The following COL19A1 variants were observed in gnomAD, a reference collection of about 807,000 sequenced individuals.
The protein encoded by COL19A1 is collagen alpha-1(XIX) chain.
In COL19A1, 159 loss-of-function variants were observed where a neutral mutation model predicts 190.2. The ratio of observed to expected loss-of-function variants is 0.84; its 90% confidence interval spans 0.73 to 0.95. The LOEUF (loss-of-function observed/expected upper bound fraction) is 0.95, where lower values mean the gene tolerates loss of function less well. Among genes scored for constraint, COL19A1 ranks in the 40% least tolerant of loss-of-function variants. The pLI is 0.00. For missense variants in COL19A1, 1,418 were observed against 1,431.9 expected (o/e 0.99, Z 0.16); for synonymous variants, 509 against 458.9 (o/e 1.11, Z -1.39).
At chr6:69,870,620 A>G (rs780734754) in intron 1 of COL19A1, among the ~76,000 whole-genome samples, 1 of 152,192 alleles carries the variant, frequency 6.6e-6, no homozygotes, top group Non-Finnish European at 1.5e-5. Flanking sequence ...GCCCCACTGT[A>G]AAAGAGCCTT....
intron 48 of COL19A1, among the ~76,000 whole-genome samples, chr6:70,198,188 T>C (rs1263653032): frequency 6.6e-6 from 1 of 152,242 alleles, no homozygotes; most frequent in East Asian, 1.9e-4. Context: ...GGCTTTGTGT[T>C]TTCTAACTGA....
intron 14 of COL19A1, among the ~76,000 whole-genome samples, chr6:70,055,338 T>C (rs1223725407): frequency 1.3e-5 from 2 of 152,026 alleles, no homozygotes; most frequent in Non-Finnish European, 2.9e-5. Flanking sequence ...TCTAGGCTCA[T>C]TCATTTATAA....
At chr6:70,146,776 T>C in intron 26 of COL19A1, 36 bp from the exon 27 acceptor site, 1 of 1,592,542 alleles carries the variant, frequency 6.3e-7, no homozygotes, top group Non-Finnish European at 8.5e-7. Context: ...GTATGTCTCT[T>C]GAGCCTTGCA....
intron 42 of COL19A1, among the ~76,000 whole-genome samples, chr6:70,178,905 C>A (rs1355712169): frequency 3.3e-5 from 5 of 152,112 alleles, no homozygotes; most frequent in African/African-American, 1.2e-4. Context: ...TGGGGTGGGG[C>A]CTCCGGTCAG....
chr6:69,875,821 A>G (rs572132907), intron 1 of COL19A1, among the ~76,000 whole-genome samples: 1 of 152,310 alleles, frequency 6.6e-6, no homozygotes, highest in African/African-American at 2.4e-5. Flanking sequence ...ACACAGTCTA[A>G]AGTTCAGTCA....
chr6:69,881,446 T>C (rs2149946436), intron 2 of COL19A1, among the ~76,000 whole-genome samples: 1 of 152,356 alleles, frequency 6.6e-6, no homozygotes, highest in Non-Finnish European at 1.5e-5. Context: ...GTACTGTTAA[T>C]TATAAACACG....
intron 9 of COL19A1, among the ~76,000 whole-genome samples, chr6:69,952,635 T>A (rs2150036376): frequency 6.6e-6 from 1 of 152,062 alleles, no homozygotes; most frequent in African/African-American, 2.4e-5. Context: ...GAGGATATGC[T>A]TTGTATGATG....
intron 9 of COL19A1, among the ~76,000 whole-genome samples, chr6:69,950,674 CCA>C (rs56757599): frequency 0.2 from 26,561 of 135,846 alleles, 2,415 homozygotes; most frequent in African/African-American, 0.24. Flanking sequence ...ATGAATGCAG[CCA>C]CACACACACA....
chr6:70,156,419 T>G, intron 33 of COL19A1, 50 bp downstream of exon 33: 2 of 1,563,692 alleles, frequency 1.3e-6, no homozygotes, highest in Non-Finnish European at 1.7e-6. Context: ...CAATTTAGTA[T>G]GAAAAAAAGA....
chr6:70,067,752 A>G (rs1411712343), intron 14 of COL19A1, among the ~76,000 whole-genome samples: 1 of 152,040 alleles, frequency 6.6e-6, no homozygotes, highest in African/African-American at 2.4e-5. Flanking sequence ...TAACTGCTGA[A>G]GTTTTTTTTG....
chr6:70,180,585 ATC>A, intron 44 of COL19A1, 62 bp downstream of exon 44: 1 of 1,517,450 alleles, frequency 6.6e-7, no homozygotes, highest in Non-Finnish European at 9.1e-7. Context: ...TTATCTCCTC[ATC>A]TACCACCTCA....
At chr6:70,185,003 C>CTGT in intron 46 of COL19A1, 88 bp downstream of exon 46, 1 of 1,229,368 alleles carries the variant, frequency 8.1e-7, no homozygotes, top group Non-Finnish European at 1.1e-6. Flanking sequence ...TGTGTAGACC[C>CTGT]CTGCAAATCA....
intron 1 of COL19A1, among the ~76,000 whole-genome samples, chr6:69,873,719 A>G (rs1441783578): frequency 6.6e-6 from 1 of 152,194 alleles, no homozygotes; most frequent in African/African-American, 2.4e-5. Context: ...TGCCTTAAAG[A>G]CCCCACCTCT....
At chr6:70,188,674 T>C (rs747873369) in intron 47 of COL19A1, among the ~76,000 whole-genome samples, 12 of 145,936 alleles carry the variant, frequency 8.2e-5, no homozygotes, top group Non-Finnish European at 1.7e-4. Context: ...CATTTCATAC[T>C]CTATTTTGTT....
At chr6:70,120,161 T>A (rs1279176691) in intron 16 of COL19A1, among the ~76,000 whole-genome samples, 2 of 152,180 alleles carry the variant, frequency 1.3e-5, no homozygotes, top group Non-Finnish European at 2.9e-5. Flanking sequence ...GGAGACTGTA[T>A]TATTAATTTT....
chr6:69,933,499 G>T (rs1056500983), intron 7 of COL19A1, among the ~76,000 whole-genome samples: 1 of 152,060 alleles, frequency 6.6e-6, no homozygotes, highest in African/African-American at 2.4e-5. Context: ...ACATGATTAA[G>T]GCACATTCCC....
intron 42 of COL19A1, 74 bp from the exon 43 acceptor site, chr6:70,180,238 G>T (rs1478589010): frequency 6.4e-7 from 1 of 1,553,108 alleles, no homozygotes; most frequent in Non-Finnish European, 8.9e-7. Flanking sequence ...CTCAATTGGG[G>T]TTGGGGGAAG....
intron 9 of COL19A1, among the ~76,000 whole-genome samples, chr6:69,951,802 T>TAG (rs1293096089): frequency 1.3e-5 from 2 of 151,718 alleles, no homozygotes; most frequent in African/African-American, 4.8e-5. Flanking sequence ...GAAACAGATC[T>TAG]AGAGAGAGAG....
chr6:69,921,615 T>G (rs1447268678), intron 4 of COL19A1, among the ~76,000 whole-genome samples: 1 of 146,764 alleles, frequency 6.8e-6, no homozygotes, highest in African/African-American at 2.5e-5. Flanking sequence ...TATAGATTCG[T>G]ATACGTATAT....
Sources: gnomAD v4.1 joint callset for allele counts (sites outside exome capture counted in the v4.1 genomes callset) on GRCh38, gnomAD v4.1.1 for gene constraint, MANE v1.5 for transcripts, NCBI Gene and HGNC (gene_info 2026-07-23, HGNC 2026-07-21) for gene names.